The following FGF12 variants were observed in gnomAD, a reference collection of about 807,000 sequenced individuals.
FGF12 encodes fibroblast growth factor 12, also known as fibroblast growth factor 12B.
FGF12 carries 14 observed loss-of-function variants against 23.6 expected under a neutral mutation model. The observed-to-expected ratio is 0.59, with a 90% CI of 0.39 to 0.93. The LOEUF (loss-of-function observed/expected upper bound fraction) is 0.93. Ranked by LOEUF, FGF12 falls within the 40% of genes least tolerant of loss-of-function variation. FGF12 has a pLI of 0.00. For synonymous variants in FGF12, 62 were observed against 77.3 expected (o/e 0.80, Z 1.04); for missense variants, 175 against 217.8 (o/e 0.80, Z 1.24).
chr3:192,393,622 A>G (rs551301360), intron 2 of FGF12, among the ~76,000 whole-genome samples: 3 of 152,120 alleles, frequency 2.0e-5, no homozygotes, highest in South Asian at 4.1e-4. Context: ...AGAAAATGGG[A>G]AAAAAAAGAA....
chr3:192,218,954 C>A (rs983015412), intron 4 of FGF12, among the ~76,000 whole-genome samples: 1 of 152,188 alleles, frequency 6.6e-6, no homozygotes, highest in Non-Finnish European at 1.5e-5. Flanking sequence ...CCTATTGTGA[C>A]CCCTAGCTAG....
chr3:192,581,486 G>GTGTGTGTGTA, intron 2 of FGF12, among the ~76,000 whole-genome samples: 1 of 144,628 alleles, frequency 6.9e-6, no homozygotes, highest in South Asian at 2.2e-4. Context: ...GTGTGTGTGT[G>GTGTGTGTGTA]TATATATATA....
rs1522261 is a variant in FGF12 at position 192,341,771 on chromosome 3, C to T, written c.125-6307G>A. 6.5e-3 allele frequency among the ~76,000 whole-genome samples: 981 copies of T among 151,994 alleles called. 25 individuals carry two copies. The East Asian group carries it at 0.071, about 11-fold the overall frequency. On this transcript the variant is annotated intron_variant, in intron 3 of 5. Transcript: ENST00000445105. ...CCTGCTAGGTAGGCATTTTGATATGCGAAATGTCATTTTATTATAAACTCA... is the reference window on the plus strand; with the variant it reads ...CCTGCTAGGTAGGCATTTTGATATGTGAAATGTCATTTTATTATAAACTCA...
At chr3:192,481,491 T>C (rs1723478026) in intron 2 of FGF12, among the ~76,000 whole-genome samples, 1 of 152,190 alleles carries the variant, frequency 6.6e-6, no homozygotes, top group Non-Finnish European at 1.5e-5. Flanking sequence ...ATGCATCTTG[T>C]TTGTTTAAGA....
At position 192,618,629 on chromosome 3, in the gene FGF12, T is replaced by C. The variant is rs144450448; in HGVS notation, c.13+108552A>G. 2.0e-3 allele frequency among the ~76,000 whole-genome samples: 308 copies of C among 152,240 alleles called. 2 individuals carry two copies. Among genetic ancestry groups the C allele is most frequent in the African/African-American group, 7.2e-3 (298 of 41,554 alleles). On this transcript the variant is annotated intron_variant, in intron 2 of 5. Transcript: ENST00000445105. ...AACTCTGGCTCAGAAATGGACTGCT[T>C]CAAAATTTTAATTTCAGTCTCATTT...
At chr3:192,276,907 G>A (rs1197962541) in intron 4 of FGF12, among the ~76,000 whole-genome samples, 1 of 152,150 alleles carries the variant, frequency 6.6e-6, no homozygotes, top group East Asian at 1.9e-4. Context: ...AGGTCTTACT[G>A]AGTTTCCCTA....
intron 2 of FGF12, among the ~76,000 whole-genome samples, chr3:192,675,188 T>G (rs1161648175): frequency 6.6e-6 from 1 of 152,102 alleles, no homozygotes; most frequent in Non-Finnish European, 1.5e-5. Context: ...TAGACCTGGA[T>G]GGTCCCAGTA....
intron 4 of FGF12, among the ~76,000 whole-genome samples, chr3:192,232,795 G>A (rs529386123): frequency 2.0e-5 from 3 of 152,152 alleles, no homozygotes; most frequent in East Asian, 1.9e-4. Flanking sequence ...AAATGAGAAC[G>A]TGTGATATTT....
intron 2 of FGF12, among the ~76,000 whole-genome samples, chr3:192,487,597 G>C (rs78213666): frequency 0.022 from 3,297 of 152,166 alleles, 89 homozygotes; most frequent in African/African-American, 0.073. Context: ...TTGAGGGGCA[G>C]GGTATTGTAT....
chr3:192,560,344 T>TA lies in FGF12; in HGVS notation c.13+166836dup, dbSNP rs547136504. 9.3e-5 allele frequency among the ~76,000 whole-genome samples: 14 copies of TA among 151,048 alleles called. No individual in the cohort carries two copies. The South Asian group carries it at 1.0e-3, about 11-fold the overall frequency. On this transcript the variant is annotated intron_variant, in intron 2 of 5. Coordinates refer to ENST00000445105, the MANE Select transcript of FGF12 (RefSeq NM_004113.6). ...GTAGAGAAAATTACACTCAAATAAA[T>TA]AAAAAAATAATAAAGAGCAAAAATC... is the stretch of plus-strand genomic sequence containing the variant.
intron 4 of FGF12, among the ~76,000 whole-genome samples, chr3:192,280,573 ACTT>A (rs1011113612): frequency 2.6e-5 from 4 of 152,126 alleles, no homozygotes; most frequent in Admixed American, 2.6e-4. Context: ...TGATTTAGGC[ACTT>A]CTTATGTGCA....
intron 2 of FGF12, among the ~76,000 whole-genome samples, chr3:192,449,019 G>A (rs944588064): frequency 2.6e-5 from 4 of 152,144 alleles, no homozygotes; most frequent in African/African-American, 9.7e-5. Context: ...GTATATTTTT[G>A]TATTCTGTTT....
At chr3:192,608,167 G>C (rs929171517) in intron 2 of FGF12, among the ~76,000 whole-genome samples, 1 of 152,110 alleles carries the variant, frequency 6.6e-6, no homozygotes, top group Non-Finnish European at 1.5e-5. Flanking sequence ...GGGGGCAGTG[G>C]GAAGTGATGA....
chr3:192,498,415 A>T (rs567286382), intron 2 of FGF12, among the ~76,000 whole-genome samples: 1 of 152,324 alleles, frequency 6.6e-6, no homozygotes, highest in East Asian at 1.9e-4. Context: ...GCTGATGTTC[A>T]TTAATGTGGT....
At chr3:192,637,304 C>T (rs1451999457) in intron 2 of FGF12, among the ~76,000 whole-genome samples, 1 of 152,150 alleles carries the variant, frequency 6.6e-6, no homozygotes, top group Non-Finnish European at 1.5e-5. Flanking sequence ...TCTTTCAGTG[C>T]TTTCACTCAT....
At chr3:192,628,302 C>T (rs886577381) in intron 2 of FGF12, among the ~76,000 whole-genome samples, 1 of 152,008 alleles carries the variant, frequency 6.6e-6, no homozygotes, top group Non-Finnish European at 1.5e-5. Flanking sequence ...GATAAAGCTG[C>T]TATGAACAAT....
intron 2 of FGF12, among the ~76,000 whole-genome samples, chr3:192,450,077 A>G (rs1722474554): frequency 1.3e-5 from 2 of 152,198 alleles, no homozygotes; most frequent in South Asian, 4.1e-4. Flanking sequence ...CCATCTTTCA[A>G]GATGATGAAA....
intron 2 of FGF12, among the ~76,000 whole-genome samples, chr3:192,493,391 C>T (rs1390617943): frequency 6.6e-6 from 1 of 152,146 alleles, no homozygotes; most frequent in African/African-American, 2.4e-5. Flanking sequence ...TAAATTCTTG[C>T]TTCTTCCACC....
chr3:192,346,538 C>T (rs960653032), intron 3 of FGF12, among the ~76,000 whole-genome samples: 5 of 152,088 alleles, frequency 3.3e-5, no homozygotes, highest in Non-Finnish European at 7.4e-5. Flanking sequence ...TTTTGTTTTA[C>T]ATTAAAATGT....
Sources: allele counts gnomAD v4.1 joint callset (sites outside exome capture counted in the v4.1 genomes callset), GRCh38; gene constraint gnomAD v4.1.1; transcripts MANE v1.5; gene names NCBI Gene and HGNC (gene_info 2026-07-23, HGNC 2026-07-21).